PRKCA: variants seen among roughly 807,000 people sequenced by gnomAD.
The protein encoded by PRKCA is protein kinase C alpha.
PRKCA carries 27 observed loss-of-function variants against 87.0 expected under a neutral mutation model. The ratio of observed to expected loss-of-function variants is 0.31; its 90% CI spans 0.23 to 0.43. The LOEUF is 0.43. PRKCA is among the 20% of genes least tolerant of loss of function. The probability of loss-of-function intolerance (pLI) is 1.00; values close to 1 mark genes in which losing one functional copy is unlikely to be tolerated. For missense variants in PRKCA, 518 were observed against 852.3 expected (o/e 0.61, Z 4.88); for synonymous variants, 329 against 311.1 (o/e 1.06, Z -0.61).
chr17:66,387,610 G>T (rs4569323), intron 2 of PRKCA, among the ~76,000 whole-genome samples: 1 of 152,064 alleles, frequency 6.6e-6, no homozygotes, highest in Non-Finnish European at 1.5e-5. Context: ...AATAGAAGCC[G>T]TAGGCTGGGC....
chr17:66,315,452 C>T (rs918165865), intron 2 of PRKCA, among the ~76,000 whole-genome samples: 1 of 150,778 alleles, frequency 6.6e-6, no homozygotes, highest in African/African-American at 2.4e-5. Flanking sequence ...ACTTGAATGT[C>T]GAGGTATTAA....
intron 5 of PRKCA, among the ~76,000 whole-genome samples, chr17:66,647,292 C>T (rs1218894325): frequency 6.6e-6 from 1 of 152,188 alleles, no homozygotes; most frequent in Non-Finnish European, 1.5e-5. Flanking sequence ...AAGTAGAATG[C>T]CTATGGCTAA....
At chr17:66,626,169 T>C (rs566068184) in intron 3 of PRKCA, among the ~76,000 whole-genome samples, 5 of 151,900 alleles carry the variant, frequency 3.3e-5, no homozygotes, top group Non-Finnish European at 7.4e-5. Flanking sequence ...TGGTTATATT[T>C]CCTTTTTTCT....
At chr17:66,445,471 C>T (rs766562680) in intron 2 of PRKCA, among the ~76,000 whole-genome samples, 2 of 152,250 alleles carry the variant, frequency 1.3e-5, no homozygotes, top group Non-Finnish European at 2.9e-5. Context: ...TAAGGAGGAA[C>T]TCCCCCATTC....
At chr17:66,411,174 C>T (rs899267420) in intron 2 of PRKCA, among the ~76,000 whole-genome samples, 12 of 151,552 alleles carry the variant, frequency 7.9e-5, no homozygotes, top group Non-Finnish European at 1.5e-4. Flanking sequence ...TGGGCTCAAG[C>T]GATCCTCCTA....
chr17:66,349,136 C>G (rs957242827), intron 2 of PRKCA, among the ~76,000 whole-genome samples: 4 of 152,150 alleles, frequency 2.6e-5, no homozygotes, highest in African/African-American at 9.7e-5. Flanking sequence ...TGCTCTCTTC[C>G]TGTCCATAAT....
intron 2 of PRKCA, among the ~76,000 whole-genome samples, chr17:66,345,318 G>A (rs1206862148): frequency 1.3e-5 from 2 of 152,152 alleles, no homozygotes; most frequent in Admixed American, 1.3e-4. Flanking sequence ...AACCTTGTTA[G>A]GAAGTTGAAT....
At position 66,498,693 on chromosome 17, in the gene PRKCA, C is replaced by T. The variant is rs183452844; in HGVS notation, c.288+2410C>T. ...TGAGCAGGTTTCTCTAAGGGACATA[C>T]TGCATTTAAACTGAGCTTGACGAAT... is the stretch of plus-strand genomic sequence containing the variant. On this transcript the variant is annotated intron_variant, in intron 3 of 16. Coordinates refer to ENST00000413366, the MANE Select transcript of PRKCA (RefSeq NM_002737.3). Among the ~76,000 whole-genome samples, 418 of 152,290 alleles carry T rather than the reference C, an allele frequency of 2.7e-3. 9 individuals carry two copies. Among genetic ancestry groups the T allele is most frequent in the Non-Finnish European group, 5.1e-4 (35 of 68,028 alleles).
At position 66,506,294 on chromosome 17, in the gene PRKCA, T is replaced by TA. The variant is rs5821520; in HGVS notation, c.288+10025dup. Among the ~76,000 whole-genome samples the TA allele has an allele frequency of 8.4e-4, 119 of 141,290 alleles. 1 individual carries two copies. Among genetic ancestry groups the TA allele is most frequent in the Admixed American group, 1.5e-3 (22 of 14,246 alleles). 92.7% of individuals were successfully genotyped at this position (141,290 alleles called of 152,430 possible). On this transcript the variant is annotated intron_variant, in intron 3 of 16. Coordinates refer to ENST00000413366, the MANE Select transcript of PRKCA (RefSeq NM_002737.3). ...CTGGGCGACACGGTGAGACCCCGTC[T>TA]AAAAAAAAAAAAAATTATTTACTTG...
chr17:66,719,128 A>G (rs1389265210), intron 8 of PRKCA, among the ~76,000 whole-genome samples: 1 of 152,218 alleles, frequency 6.6e-6, no homozygotes, highest in Non-Finnish European at 1.5e-5. Context: ...TCAAGGATGC[A>G]CACATATTTA....
intron 3 of PRKCA, among the ~76,000 whole-genome samples, chr17:66,566,471 TGTTTTTTGG>T (rs1968891634): frequency 2.2e-5 from 3 of 138,530 alleles, no homozygotes. Context: ...GAACTGTTGT[TGTTTTTTGG>T]TTTTTTTTTT....
intron 3 of PRKCA, chr17:66,554,530 T>C (rs1968438492): frequency 2.1e-6 from 2 of 960,756 alleles, no homozygotes; most frequent in Non-Finnish European, 2.5e-6. Context: ...TCTTCTCCCC[T>C]GTATTGCTAG....
At chr17:66,630,654 T>A (rs1319650237) in intron 3 of PRKCA, among the ~76,000 whole-genome samples, 1 of 152,172 alleles carries the variant, frequency 6.6e-6, no homozygotes, top group African/African-American at 2.4e-5. Context: ...ATATATAACA[T>A]GAGTGAGAAA....
chr17:66,518,321 C>T (rs774863395), intron 3 of PRKCA, among the ~76,000 whole-genome samples: 19 of 152,252 alleles, frequency 1.2e-4, no homozygotes, highest in South Asian at 4.1e-4. Flanking sequence ...ATGTGATTTG[C>T]TTATACCACA....
intron 2 of PRKCA, among the ~76,000 whole-genome samples, chr17:66,392,721 A>G (rs566862906): frequency 6.6e-6 from 1 of 152,258 alleles, no homozygotes; most frequent in African/African-American, 2.4e-5. Flanking sequence ...CCAAAATTCA[A>G]TTTTTGCATT....
At chr17:66,453,320 T>G (rs1386320499) in intron 2 of PRKCA, among the ~76,000 whole-genome samples, 3 of 151,162 alleles carry the variant, frequency 2.0e-5, no homozygotes, top group Non-Finnish European at 4.4e-5. Flanking sequence ...TTTTTTCTTT[T>G]TTTTTTTCTT....
Position 66,516,359 on chromosome 17 carries a change from G to A in PRKCA, c.288+20076G>A, listed in dbSNP as rs549132824. 1.6e-4 allele frequency among the ~76,000 whole-genome samples: 25 copies of A among 152,268 alleles called. No individual in the cohort carries two copies. The South Asian group carries it at 5.0e-3, about 30-fold the overall frequency. Reference sequence around the variant, plus strand: ...TGTGAAAAAAAGAATAAGGCTGGGCGTGGTGGCTCACCCCTGCAATCCCAG... The same window carrying A: ...TGTGAAAAAAAGAATAAGGCTGGGCATGGTGGCTCACCCCTGCAATCCCAG... On this transcript the variant is annotated intron_variant, in intron 3 of 16. Coordinates refer to ENST00000413366, the MANE Select transcript of PRKCA (RefSeq NM_002737.3).
chr17:66,646,894 A>T (rs1971472104), intron 5 of PRKCA, among the ~76,000 whole-genome samples: 1 of 152,236 alleles, frequency 6.6e-6, no homozygotes, highest in African/African-American at 2.4e-5. Context: ...AATCCCTATC[A>T]TAGATACAGA....
chr17:66,777,310 T>G (rs1412453269), intron 14 of PRKCA: 2 of 985,040 alleles, frequency 2.0e-6, no homozygotes, highest in Non-Finnish European at 2.4e-6. Context: ...AATACTGAAA[T>G]GGTCTTGTAG....
Sources: allele counts gnomAD v4.1 joint callset (sites outside exome capture counted in the v4.1 genomes callset), GRCh38; gene constraint gnomAD v4.1.1; transcripts MANE v1.5; gene names NCBI Gene and HGNC (gene_info 2026-07-23, HGNC 2026-07-21).